Variants in ADGRB3 observed in about 807,000 individuals in gnomAD.
ADGRB3 encodes the protein brain-specific angiogenesis inhibitor 3.
In ADGRB3, 37 loss-of-function variants were observed where a neutral mutation model predicts 193.4. The ratio of observed to expected loss-of-function variants is 0.19; its 90% confidence interval spans 0.15 to 0.25. The LOEUF (loss-of-function observed/expected upper bound fraction) is 0.25, where lower values mean the gene tolerates loss of function less well. ADGRB3 is among the 10% of genes least tolerant of loss of function. The pLI, the probability that ADGRB3 is intolerant of heterozygous loss-of-function variation, is 1.00. For synonymous variants in ADGRB3, 690 were observed against 644.2 expected (o/e 1.07, Z -1.08); for missense variants, 1,637 against 1,852.9 (o/e 0.88, Z 2.14).
At chr6:68,884,446 A>G (rs984418052) in intron 3 of ADGRB3, among the ~76,000 whole-genome samples, 2 of 152,200 alleles carry the variant, frequency 1.3e-5, no homozygotes, top group African/African-American at 4.8e-5. Flanking sequence ...TCAGAGAGTA[A>G]GAGCTTTAGG....
intron 3 of ADGRB3, among the ~76,000 whole-genome samples, chr6:68,914,450 G>A (rs375580212): frequency 0.13 from 19,634 of 150,508 alleles, 1,711 homozygotes; most frequent in Non-Finnish European, 0.19. Flanking sequence ...ACTAAGCTTC[G>A]TACGTGAAGG....
chr6:68,691,174 G>A (rs1175226811), intron 3 of ADGRB3, among the ~76,000 whole-genome samples: 5 of 152,018 alleles, frequency 3.3e-5, no homozygotes, highest in African/African-American at 7.2e-5. Context: ...ATATTTGAAT[G>A]GATCTTAACA....
intron 3 of ADGRB3, among the ~76,000 whole-genome samples, chr6:68,672,263 T>G (rs1768982222): frequency 2.0e-5 from 3 of 152,048 alleles, no homozygotes; most frequent in African/African-American, 7.2e-5. Flanking sequence ...TTCCATTTGT[T>G]TCTGATCTGA....
chr6:68,821,790 A>G (rs1007892484), intron 3 of ADGRB3, among the ~76,000 whole-genome samples: 1 of 151,928 alleles, frequency 6.6e-6, no homozygotes, highest in Non-Finnish European at 1.5e-5. Flanking sequence ...CATTTCTTAC[A>G]TGTATTTTAT....
intron 3 of ADGRB3, among the ~76,000 whole-genome samples, chr6:68,707,220 T>A (rs1181308909): frequency 6.6e-6 from 1 of 152,214 alleles, no homozygotes. Context: ...TATGGTCTAT[T>A]TGGACTGATT....
At chr6:69,211,392 A>T (rs115484182) in intron 17 of ADGRB3, among the ~76,000 whole-genome samples, 353 of 152,274 alleles carry the variant, frequency 2.3e-3, no homozygotes, top group African/African-American at 8.0e-3. Context: ...AAAGACAATA[A>T]GATTTGGGCT....
At chr6:68,984,944 G>C (rs893269643) in intron 10 of ADGRB3, among the ~76,000 whole-genome samples, 1 of 151,952 alleles carries the variant, frequency 6.6e-6, no homozygotes, top group African/African-American at 2.4e-5. Flanking sequence ...CATTAGCTAA[G>C]AGTGAGGATT....
chr6:68,715,794 G>T (rs1414255206), intron 3 of ADGRB3, among the ~76,000 whole-genome samples: 1 of 151,556 alleles, frequency 6.6e-6, no homozygotes, highest in Admixed American at 6.6e-5. Flanking sequence ...TAACAGAAAA[G>T]AATTAAACTC....
chr6:69,063,608 A>T (rs1022298513), intron 16 of ADGRB3, among the ~76,000 whole-genome samples: 3 of 151,996 alleles, frequency 2.0e-5, no homozygotes, highest in African/African-American at 7.2e-5. Flanking sequence ...TGCTGGGTGG[A>T]GTGGGTAGCG....
At chr6:69,044,139 T>G (rs544497137) in intron 13 of ADGRB3, among the ~76,000 whole-genome samples, 1 of 152,354 alleles carries the variant, frequency 6.6e-6, no homozygotes, top group African/African-American at 2.4e-5. Flanking sequence ...ATCAGGGATT[T>G]GAATATTGGA....
At chr6:69,110,205 C>A (rs1472523680) in intron 17 of ADGRB3, among the ~76,000 whole-genome samples, 2 of 152,084 alleles carry the variant, frequency 1.3e-5, no homozygotes, top group African/African-American at 4.8e-5. Flanking sequence ...CTCAGTGTCC[C>A]AAAGTGCTGG....
intron 3 of ADGRB3, among the ~76,000 whole-genome samples, chr6:68,797,815 CAT>C (rs1767239624): frequency 1.3e-5 from 2 of 152,052 alleles, no homozygotes; most frequent in African/African-American, 4.8e-5. Flanking sequence ...TTTCAAAAGT[CAT>C]GTGTGGTTTT....
chr6:69,225,282 A>G (rs1009532390), intron 17 of ADGRB3, among the ~76,000 whole-genome samples: 1 of 152,158 alleles, frequency 6.6e-6, no homozygotes, highest in Non-Finnish European at 1.5e-5. Flanking sequence ...CTCCATGCCC[A>G]CCATGACCAT....
intron 17 of ADGRB3, among the ~76,000 whole-genome samples, chr6:69,137,076 TA>T (rs67869801): frequency 0.43 from 40,392 of 93,120 alleles, 6,589 homozygotes; most frequent in Non-Finnish European, 0.46. Context: ...TTTTTTTTTT[TA>T]ATGGTAAGAT....
intron 11 of ADGRB3, among the ~76,000 whole-genome samples, chr6:69,011,241 G>A (rs1159198055): frequency 6.6e-6 from 1 of 151,420 alleles, no homozygotes; most frequent in Non-Finnish European, 1.5e-5. Flanking sequence ...AATCTTTTTA[G>A]GAAAGCTGAG....
intron 17 of ADGRB3, among the ~76,000 whole-genome samples, chr6:69,207,016 A>T (rs1218096830): frequency 6.6e-6 from 1 of 152,058 alleles, no homozygotes. Context: ...ACTCTTCCTG[A>T]CCTCCACTGT....
intron 15 of ADGRB3, among the ~76,000 whole-genome samples, chr6:69,053,046 C>T (rs957108586): frequency 6.6e-6 from 1 of 152,042 alleles, no homozygotes; most frequent in East Asian, 1.9e-4. Flanking sequence ...ATTAGCCGTG[C>T]ATGGTGGTGT....
chr6:69,247,777 G>A (rs560798048), intron 20 of ADGRB3, among the ~76,000 whole-genome samples: 2 of 152,244 alleles, frequency 1.3e-5, no homozygotes, highest in Non-Finnish European at 2.9e-5. Flanking sequence ...ATTAATAAAT[G>A]TTGAATGAAT....
intron 20 of ADGRB3, among the ~76,000 whole-genome samples, chr6:69,248,386 A>G (rs1431759262): frequency 1.3e-5 from 2 of 152,212 alleles, no homozygotes; most frequent in Non-Finnish European, 2.9e-5. Context: ...TTACAATAGA[A>G]TTTTCAATGG....
Sources: gnomAD v4.1 joint callset for allele counts (sites outside exome capture counted in the v4.1 genomes callset) on GRCh38, gnomAD v4.1.1 for gene constraint, MANE v1.5 for transcripts, NCBI Gene and HGNC (gene_info 2026-07-23, HGNC 2026-07-21) for gene names.